FSTL5: variants seen among roughly 807,000 people sequenced by gnomAD.
FSTL5 encodes the protein follistatin-related protein 5.
FSTL5 carries 62 observed loss-of-function variants against 89.1 expected under a neutral mutation model. That is an observed-to-expected ratio of 0.70 (90% CI 0.57 to 0.86). FSTL5 has a LOEUF of 0.86. FSTL5 is among the 40% of genes least tolerant of loss of function. The pLI, the probability that FSTL5 is intolerant of heterozygous loss-of-function variation, is 0.00. For missense variants in FSTL5, 1,057 were observed against 1,001.6 expected, an observed-to-expected ratio of 1.06 and a Z score of -0.75; for synonymous variants, 383 against 346.2, an observed-to-expected ratio of 1.11 and a Z score of -1.18.
rs1363962627 is a variant in FSTL5 at position 161,573,807 on chromosome 4, C to T, written c.1015+13648G>A. Among the ~76,000 whole-genome samples the T allele has an allele frequency of 3.9e-5, 5 of 128,010 alleles. No individual in the cohort carries two copies. In the South Asian group the frequency reaches 1.3e-3, roughly 34 times the overall value. The allele number at this position is 128,010 out of a possible 152,430, so 84.0% of individuals were successfully genotyped here. ...ATAGAAAAGAAGAAAAGAAAGAAAA[C>T]AAAAGAAAAGACAGAAAAGAAAAGA... On this transcript the variant is annotated intron_variant, in intron 8 of 15. Transcript: ENST00000306100.
At chr4:161,821,214 T>G (rs923292386) in intron 4 of FSTL5, among the ~76,000 whole-genome samples, 1 of 151,920 alleles carries the variant, frequency 6.6e-6, no homozygotes, top group Non-Finnish European at 1.5e-5. Flanking sequence ...ATTTTTGTAT[T>G]TTTTGTAGAC....
rs575628059 is a variant in FSTL5, at chr4:162,110,906, C to T, written c.126+365G>A. Among the ~76,000 whole-genome samples, 3 of 151,920 alleles carry T rather than the reference C, an allele frequency of 2.0e-5. No homozygotes were observed. In the South Asian group the frequency reaches 6.2e-4, roughly 32 times the overall value. ...TCTTATAACAAAGCTAAGCATAGGA[C>T]ATAACACTTATTTAGTTTAAAATCT... On this transcript the variant is annotated intron_variant, in intron 2 of 15. Transcript: ENST00000306100.
chr4:162,090,272 GCA>G (rs1400199474), intron 2 of FSTL5, among the ~76,000 whole-genome samples: 1 of 152,028 alleles, frequency 6.6e-6, no homozygotes, highest in Non-Finnish European at 1.5e-5. Context: ...TTGTTTTTCT[GCA>G]CAGCAAAAGA....
intron 7 of FSTL5, among the ~76,000 whole-genome samples, chr4:161,588,151 G>T (rs146268146): frequency 3.9e-5 from 6 of 152,096 alleles, no homozygotes; most frequent in African/African-American, 1.4e-4. Context: ...TCCAGCCTGG[G>T]TGACAGAGTG....
chr4:161,716,659 T>G (rs1738996880), intron 6 of FSTL5, among the ~76,000 whole-genome samples: 1 of 152,164 alleles, frequency 6.6e-6, no homozygotes, highest in East Asian at 1.9e-4. Flanking sequence ...TCAAATGCCT[T>G]ACTTTATTTC....
chr4:161,686,615 C>T (rs955346585), intron 6 of FSTL5, among the ~76,000 whole-genome samples: 3 of 151,436 alleles, frequency 2.0e-5, no homozygotes, highest in Non-Finnish European at 4.4e-5. Context: ...CCACCTTGGC[C>T]TCCCAAAGTG....
chr4:161,687,322 T>C (rs546731892), intron 6 of FSTL5, among the ~76,000 whole-genome samples: 3 of 152,328 alleles, frequency 2.0e-5, no homozygotes, highest in South Asian at 4.1e-4. Flanking sequence ...ATTGGTGCTC[T>C]TCTCATATAA....
intron 3 of FSTL5, among the ~76,000 whole-genome samples, chr4:161,935,517 T>C (rs1436653385): frequency 6.6e-6 from 1 of 152,108 alleles, no homozygotes; most frequent in Admixed American, 6.6e-5. Flanking sequence ...AAAATTTGAT[T>C]GACATTTAGT....
At chr4:161,822,662 T>C (rs990719595) in intron 4 of FSTL5, among the ~76,000 whole-genome samples, 7 of 152,154 alleles carry the variant, frequency 4.6e-5, no homozygotes, top group African/African-American at 1.7e-4. Context: ...ATGGCTCTTC[T>C]CTACTTATCT....
chr4:161,469,511 C>T (rs528544156), intron 13 of FSTL5, among the ~76,000 whole-genome samples: 1 of 152,238 alleles, frequency 6.6e-6, no homozygotes, highest in South Asian at 2.1e-4. Flanking sequence ...GAGGTGACAT[C>T]TCATTGAGTT....
At chr4:162,016,779 T>C (rs1440279704) in intron 3 of FSTL5, among the ~76,000 whole-genome samples, 5 of 152,200 alleles carry the variant, frequency 3.3e-5, no homozygotes, top group Non-Finnish European at 7.3e-5. Flanking sequence ...GTTCACAACA[T>C]GACTGGACAT....
At chr4:161,596,103 G>T (rs1734004305) in intron 7 of FSTL5, among the ~76,000 whole-genome samples, 1 of 151,666 alleles carries the variant, frequency 6.6e-6, no homozygotes, top group African/African-American at 2.4e-5. Flanking sequence ...TCTACATATT[G>T]AGATTGACTA....
chr4:161,778,201 C>T (rs577009205), intron 4 of FSTL5, among the ~76,000 whole-genome samples: 1 of 152,176 alleles, frequency 6.6e-6, no homozygotes, highest in Admixed American at 6.5e-5. Context: ...ACAATGGCCT[C>T]ATGATGAGGT....
In FSTL5 at chr4:162,033,640, T is replaced by A. The variant is rs377562641; in HGVS notation, c.145A>T (p.Ser49Cys). Reference sequence around the variant, plus strand: ...CATTTCTTACCTTTGACTCTTGAACTTTCTTGATTTTTTTCCTGCTGGAAA... The same window carrying A: ...CATTTCTTACCTTTGACTCTTGAACATTCTTGATTTTTTTCCTGCTGGAAA... ...LRHKQEKNQESSRVKGFMIQD... is the reference protein window; with the variant it reads ...LRHKQEKNQECSRVKGFMIQD... Residue 49 changes from serine to cysteine, a missense_variant, in exon 3 of 16, where the codon AGT becomes TGT. This residue lies in a region of FSTL5 where 980 missense variants were observed against 903.2 expected (regional missense o/e 1.08). Coordinates refer to ENST00000306100, the MANE Select transcript of FSTL5 (RefSeq NM_020116.5). 3 of 1,494,900 alleles carry A rather than the reference T, an allele frequency of 2.0e-6. No homozygotes were observed. Among genetic ancestry groups the A allele is most frequent in the South Asian group, 1.2e-5 (1 of 82,888 alleles). 92.6% of individuals were successfully genotyped at this position (1,494,900 alleles called of 1,614,324 possible). A position where few individuals can be genotyped will look rare whatever the true frequency, so the allele number is the denominator to read the frequency against.
intron 3 of FSTL5, among the ~76,000 whole-genome samples, chr4:162,019,365 A>G (rs1165221871): frequency 6.6e-6 from 1 of 152,074 alleles, no homozygotes; most frequent in African/African-American, 2.4e-5. Context: ...AATGTTATAG[A>G]TGACAATAAA....
At chr4:161,836,415 T>C (rs1731042673) in intron 4 of FSTL5, among the ~76,000 whole-genome samples, 1 of 150,008 alleles carries the variant, frequency 6.7e-6, no homozygotes, top group Non-Finnish European at 1.5e-5. Context: ...GTAACTAACC[T>C]GCACATTGTG....
chr4:161,460,352 T>TA (rs1181373880), intron 13 of FSTL5, among the ~76,000 whole-genome samples: 2 of 92,848 alleles, frequency 2.2e-5, no homozygotes, highest in African/African-American at 6.1e-5. Flanking sequence ...ACTTGTCATT[T>TA]ACATTAGGTG....
At chr4:162,058,184 A>G (rs140129167) in intron 2 of FSTL5, among the ~76,000 whole-genome samples, 32 of 152,202 alleles carry the variant, frequency 2.1e-4, no homozygotes, top group Middle Eastern at 3.4e-3. Flanking sequence ...ATATGATATT[A>G]GAGGAGGAAT....
intron 4 of FSTL5, among the ~76,000 whole-genome samples, chr4:161,858,448 T>C (rs1003853480): frequency 2.0e-5 from 3 of 152,146 alleles, no homozygotes; most frequent in Non-Finnish European, 4.4e-5. Context: ...TGATAGACAC[T>C]GATGATAACA....
Sources: gnomAD v4.1 joint callset for allele counts (sites outside exome capture counted in the v4.1 genomes callset) on GRCh38, gnomAD v4.1.1 for gene constraint, gnomAD v4.1.1 regional missense constraint, MANE v1.5 for transcripts, NCBI Gene and HGNC (gene_info 2026-07-23, HGNC 2026-07-21) for gene names.